ATP10D: variants seen among roughly 807,000 people sequenced by gnomAD.
The protein encoded by ATP10D is ATPase phospholipid transporting 10D (putative).
Under a neutral mutation model 144.8 loss-of-function variants are expected in ATP10D, and 89 were observed. The ratio of observed to expected loss-of-function variants is 0.61; its 90% CI spans 0.52 to 0.73. The LOEUF is 0.73. Among genes scored for constraint, ATP10D ranks in the 30% least tolerant of loss-of-function variants. ATP10D has a pLI of 0.00. For missense variants in ATP10D, 1,603 were observed against 1,714.8 expected (o/e 0.93, Z 1.15); for synonymous variants, 571 against 615.1 (o/e 0.93, Z 1.06).
chr4:47,491,889 A>G (rs1254888628), intron 1 of ATP10D, among the ~76,000 whole-genome samples: 1 of 152,114 alleles, frequency 6.6e-6, no homozygotes, highest in East Asian at 1.9e-4. Flanking sequence ...CATATACTGC[A>G]TGATTATCCT....
At chr4:47,531,367 A>T (rs1166386238) in intron 5 of ATP10D, among the ~76,000 whole-genome samples, 1 of 152,184 alleles carries the variant, frequency 6.6e-6, no homozygotes, top group African/African-American at 2.4e-5. Flanking sequence ...CAATAAAGTG[A>T]AAAGAATGGC....
chr4:47,518,213 T>A (rs375219831), intron 3 of ATP10D, among the ~76,000 whole-genome samples: 13 of 152,322 alleles, frequency 8.5e-5, no homozygotes, highest in African/African-American at 3.1e-4. Context: ...TTAACATTTC[T>A]AAGCAGATAA....
At chr4:47,549,596 C>T (rs571410559) in intron 10 of ATP10D, among the ~76,000 whole-genome samples, 5 of 152,164 alleles carry the variant, frequency 3.3e-5, no homozygotes, top group African/African-American at 4.8e-5. Context: ...GTGAATAAGA[C>T]GTGGCCTCAG....
At chr4:47,528,495 GTGTGTGTGTGTGTGTGTGTA>G (rs1260361865) in intron 5 of ATP10D, among the ~76,000 whole-genome samples, 1,196 of 77,414 alleles carry the variant, frequency 0.015, 21 homozygotes, top group African/African-American at 0.047. Context: ...GTGTGTGTGT[GTGTGTGTGTGTGTGTGTGTA>G]TATATATATA....
intron 12 of ATP10D, 121 bp from the exon 13 acceptor site, chr4:47,558,802 T>A (rs918612756): frequency 3.9e-6 from 3 of 771,390 alleles, no homozygotes; most frequent in Non-Finnish European, 6.3e-6. Context: ...CATTTGGGAT[T>A]CAAAACCAGA....
intron 1 of ATP10D, among the ~76,000 whole-genome samples, chr4:47,486,216 G>A (rs949971669): frequency 1.3e-5 from 2 of 152,162 alleles, no homozygotes; most frequent in African/African-American, 2.4e-5. Context: ...GTACAGCAGA[G>A]AGACATCAGT....
At chr4:47,585,122 T>C (rs1311648411) in intron 21 of ATP10D, among the ~76,000 whole-genome samples, 3 of 152,190 alleles carry the variant, frequency 2.0e-5, no homozygotes, top group African/African-American at 7.2e-5. Context: ...CTTCCGATTA[T>C]ATCAAAGAGG....
At chr4:47,579,474 T>C (rs554204909) in intron 19 of ATP10D, among the ~76,000 whole-genome samples, 1 of 152,256 alleles carries the variant, frequency 6.6e-6, no homozygotes, top group South Asian at 2.1e-4. Context: ...AGTGCCTGAG[T>C]GGGCACAGCT....
At position 47,593,372 on chromosome 4, in the gene ATP10D, A is replaced by T. The variant is rs527401129; in HGVS notation, c.*1991A>T. 1 of 152,218 alleles carries T rather than the reference A, an allele frequency of 6.6e-6. No individual in the cohort carries two copies. Among genetic ancestry groups the T allele is most frequent in the African/African-American group, 2.4e-5 (1 of 41,560 alleles). The allele number at this position is 152,218 out of a possible 1,614,324, so 9.4% of individuals were successfully genotyped here. On this transcript the variant is annotated 3_prime_UTR_variant, in exon 23 of 23. Coordinates refer to ENST00000273859, the MANE Select transcript of ATP10D (RefSeq NM_020453.4). ...CTATTTATGTACTTTGCTTAATGTA[A>T]TCATTCATATACTTTGCTACAAAAA...
intron 1 of ATP10D, among the ~76,000 whole-genome samples, chr4:47,504,703 C>G (rs543038122): frequency 1.3e-5 from 2 of 152,290 alleles, no homozygotes; most frequent in African/African-American, 4.8e-5. Flanking sequence ...GCTGGGACTA[C>G]AGGCGCCCGC....
intron 22 of ATP10D, among the ~76,000 whole-genome samples, chr4:47,588,464 T>A (rs13133133): frequency 1.3e-5 from 2 of 152,034 alleles, no homozygotes; most frequent in African/African-American, 4.8e-5. Flanking sequence ...ATAGCCATAC[T>A]CACTTATATA....
chr4:47,537,010 T>A, intron 9 of ATP10D, 72 bp downstream of exon 9: 1 of 1,479,612 alleles, frequency 6.8e-7, no homozygotes. Flanking sequence ...GTGTTGGATG[T>A]CTGACAATTC....
chr4:47,501,432 A>AT (rs1001816002), intron 1 of ATP10D, among the ~76,000 whole-genome samples: 9 of 152,186 alleles, frequency 5.9e-5, no homozygotes, highest in African/African-American at 2.2e-4. Flanking sequence ...ATTTAACTTT[A>AT]TTTTTTCAAA....
rs1717825336 is a variant in ATP10D at position 47,535,963 on chromosome 4, AAGAAG to A, written c.948_952del (p.Arg316SerfsTer31). ...CACGGTATAAGCGCAGCAAATTAGA[AAGAAG>A]AGCAAACACAGATGTCCTCTGGTGT... On this transcript the variant is annotated frameshift_variant, in exon 7 of 23. Transcript: ENST00000273859. LOFTEE classifies it high-confidence loss of function. 1 of 1,613,080 alleles carries A rather than the reference AAGAAG, an allele frequency of 6.2e-7. No homozygotes were observed. Among genetic ancestry groups the A allele is most frequent in the Non-Finnish European group, 8.5e-7 (1 of 1,179,346 alleles).
chr4:47,562,543 A>C (rs996185645), intron 14 of ATP10D, among the ~76,000 whole-genome samples: 5 of 152,318 alleles, frequency 3.3e-5, no homozygotes, highest in Admixed American at 2.6e-4. Context: ...AGAAGACAAC[A>C]GATGTTGGCA....
chr4:47,518,208 A>G (rs1577636922), intron 3 of ATP10D, among the ~76,000 whole-genome samples: 1 of 152,300 alleles, frequency 6.6e-6, no homozygotes, highest in East Asian at 1.9e-4. Flanking sequence ...GCATATTAAC[A>G]TTTCTAAGCA....
At chr4:47,568,695 G>A (rs573123422) in intron 15 of ATP10D, 142 bp from the exon 16 acceptor site, 23 of 736,772 alleles carry the variant, frequency 3.1e-5, no homozygotes, top group Middle Eastern at 6.0e-4. Flanking sequence ...TGGAAGACTC[G>A]TAAAATCTTT....
chr4:47,505,193 T>A (rs929083780), intron 1 of ATP10D, among the ~76,000 whole-genome samples: 1 of 152,228 alleles, frequency 6.6e-6, no homozygotes, highest in Non-Finnish European at 1.5e-5. Context: ...AAGCCATTAG[T>A]GCATAGCTGA....
Position 47,578,112 on chromosome 4 carries a change from G to A in ATP10D, c.3567+1139G>A, listed in dbSNP as rs190830440. ...TTGTACACGCTGTTCTAGTGAGCTGGCCAGTTATATAAAACATGATCACAG... is the reference window on the plus strand; with the variant it reads ...TTGTACACGCTGTTCTAGTGAGCTGACCAGTTATATAAAACATGATCACAG... On this transcript the variant is annotated intron_variant, in intron 19 of 22. Transcript: ENST00000273859. Among the ~76,000 whole-genome samples, 628 of 152,264 alleles carry A rather than the reference G, an allele frequency of 4.1e-3. 2 individuals carry two copies. The highest frequency in any genetic ancestry group is 7.2e-3 in the Non-Finnish European group (488 of 68,030).
Sources: gnomAD v4.1 joint callset for allele counts (sites outside exome capture counted in the v4.1 genomes callset) on GRCh38, gnomAD v4.1.1 for gene constraint, MANE v1.5 for transcripts, NCBI Gene and HGNC (gene_info 2026-07-23, HGNC 2026-07-21) for gene names.